Variants in COL21A1 observed in about 807,000 individuals in gnomAD.
The protein encoded by COL21A1 is collagen type XXI alpha 1 chain.
A neutral mutation model predicts 137.9 loss-of-function variants in COL21A1; 149 were observed. The observed-to-expected ratio is 1.08, with a 90% CI of 0.95 to 1.24. The LOEUF (loss-of-function observed/expected upper bound fraction) is 1.24. COL21A1 is among the 50% of genes most tolerant of loss of function. COL21A1 has a pLI of 0.00. For synonymous variants in COL21A1, 456 were observed against 391.5 expected (o/e 1.16, Z -1.95); for missense variants, 1,167 against 1,158.4 (o/e 1.01, Z -0.11).
chr6:56,191,386 A>G (rs1778662514), intron 1 of COL21A1, among the ~76,000 whole-genome samples: 1 of 151,310 alleles, frequency 6.6e-6, no homozygotes, highest in Non-Finnish European at 1.5e-5. Context: ...GGAGTTCAAG[A>G]CCAGACTGAC....
intron 1 of COL21A1, chr6:56,276,830 A>G (rs1763674423): frequency 2.6e-6 from 2 of 758,506 alleles, no homozygotes; most frequent in Admixed American, 4.7e-5. Context: ...TTTTTTTGAG[A>G]CAGAGTCTCG....
intron 17 of COL21A1, among the ~76,000 whole-genome samples, chr6:56,091,303 T>C (rs189954077): frequency 6.6e-6 from 1 of 152,234 alleles, no homozygotes; most frequent in Admixed American, 6.5e-5. Flanking sequence ...CATTACATCA[T>C]AAAGACAAGC....
intron 16 of COL21A1, among the ~76,000 whole-genome samples, chr6:56,120,716 C>T (rs1293631683): frequency 6.6e-6 from 1 of 151,616 alleles, no homozygotes; most frequent in Non-Finnish European, 1.5e-5. Flanking sequence ...ATTGCTTGAA[C>T]CCAGGAGGCA....
intron 9 of COL21A1, among the ~76,000 whole-genome samples, chr6:56,157,820 T>G (rs890737216): frequency 1.3e-5 from 2 of 152,258 alleles, no homozygotes; most frequent in African/African-American, 2.4e-5. Context: ...AATATTACTA[T>G]GAGAGCAAGG....
intron 23 of COL21A1, among the ~76,000 whole-genome samples, chr6:56,066,899 G>GT (rs951691350): frequency 6.6e-6 from 1 of 150,682 alleles, no homozygotes. Context: ...AGGGTTAAAG[G>GT]TTTTTTATCA....
At chr6:56,163,829 G>A (rs1257013802) in intron 9 of COL21A1, among the ~76,000 whole-genome samples, 1 of 152,088 alleles carries the variant, frequency 6.6e-6, no homozygotes, top group African/African-American at 2.4e-5. Flanking sequence ...ATATAAAAAT[G>A]TATATGTACA....
At chr6:56,264,338 C>T (rs905925985) in intron 1 of COL21A1, among the ~76,000 whole-genome samples, 6 of 152,120 alleles carry the variant, frequency 3.9e-5, no homozygotes, top group Admixed American at 2.6e-4. Flanking sequence ...CACTCTCATC[C>T]CACCACTTCT....
chr6:56,152,857 C>G (rs533020076), intron 10 of COL21A1, among the ~76,000 whole-genome samples: 2 of 152,122 alleles, frequency 1.3e-5, no homozygotes, highest in Admixed American at 1.3e-4. Flanking sequence ...AGTGTGTGAA[C>G]TGCATTGGCT....
intron 16 of COL21A1, among the ~76,000 whole-genome samples, chr6:56,120,968 C>T (rs1301740771): frequency 6.6e-6 from 1 of 152,070 alleles, no homozygotes; most frequent in African/African-American, 2.4e-5. Context: ...ACCTAAGTAT[C>T]CATCAACAGA....
chr6:56,260,959 T>C (rs1236362736), intron 1 of COL21A1, among the ~76,000 whole-genome samples: 1 of 151,758 alleles, frequency 6.6e-6, no homozygotes, highest in Non-Finnish European at 1.5e-5. Flanking sequence ...TTCTTGATTC[T>C]TTTCTTACAT....
chr6:56,385,234 A>G (rs1474891745), intron 1 of COL21A1, among the ~76,000 whole-genome samples: 2 of 152,198 alleles, frequency 1.3e-5, no homozygotes, highest in African/African-American at 4.8e-5. Flanking sequence ...ATATGCTAAG[A>G]ATTACAGGTC....
At chr6:56,194,124 A>G (rs968098467) in intron 1 of COL21A1, among the ~76,000 whole-genome samples, 4 of 152,298 alleles carry the variant, frequency 2.6e-5, no homozygotes, top group Middle Eastern at 3.4e-3. Flanking sequence ...TTTCTTCCCA[A>G]AAGCCTCAAA....
chr6:56,197,002 A>G (rs559576981), intron 1 of COL21A1, among the ~76,000 whole-genome samples: 1 of 152,128 alleles, frequency 6.6e-6, no homozygotes, highest in Non-Finnish European at 1.5e-5. Flanking sequence ...TATAGTAATT[A>G]AAACAATATG....
intron 29 of COL21A1, 128 bp from the exon 30 acceptor site, chr6:56,057,972 T>C: frequency 1.7e-6 from 1 of 597,866 alleles, no homozygotes; most frequent in Non-Finnish European, 2.7e-6. Flanking sequence ...ACTAATTATA[T>C]AGTAGAGGCA....
chr6:56,094,578 T>C (rs977071548), intron 17 of COL21A1, among the ~76,000 whole-genome samples: 23 of 152,198 alleles, frequency 1.5e-4, no homozygotes, highest in African/African-American at 3.9e-4. Flanking sequence ...CAAGCCACTC[T>C]ACATTTTAGG....
intron 3 of COL21A1, among the ~76,000 whole-genome samples, chr6:56,175,048 T>A (rs1471428388): frequency 1.3e-5 from 2 of 152,048 alleles, no homozygotes; most frequent in African/African-American, 2.4e-5. Context: ...AAAGATAACA[T>A]GATCATCTCA....
intron 17 of COL21A1, among the ~76,000 whole-genome samples, chr6:56,093,820 A>G (rs1335117550): frequency 6.6e-6 from 1 of 152,144 alleles, no homozygotes; most frequent in African/African-American, 2.4e-5. Flanking sequence ...TTTCCTGTAT[A>G]TATAATGAGG....
chr6:56,290,130 G>A (rs1764006000), intron 1 of COL21A1, among the ~76,000 whole-genome samples: 2 of 152,228 alleles, frequency 1.3e-5, no homozygotes, highest in African/African-American at 2.4e-5. Flanking sequence ...CTCCCCTGTT[G>A]AGGTTAACAG....
rs779176469 is a variant in COL21A1, at chr6:56,170,761, C to A, written c.914G>T (p.Gly305Val). The change falls in exon 5 of 30, where the codon GGA (glycine) becomes GTA (valine). Residue 305 changes from glycine to valine, a missense_variant. Gly to Val is a moderately radical substitution (Grantham distance 109). Coordinates refer to ENST00000244728, the MANE Select transcript of COL21A1 (RefSeq NM_030820.4). Reference protein sequence around the residue: ...WDLWRILTIDGRPQIAVTLNG... With the variant: ...WDLWRILTIDVRPQIAVTLNG... ...TAAGGTAACTGCTATTTGTGGCCTTCCATCAATAGTTAATATTCTCCATAA... is the reference window on the plus strand; with the variant it reads ...TAAGGTAACTGCTATTTGTGGCCTTACATCAATAGTTAATATTCTCCATAA... 6 of 1,607,938 alleles carry A rather than the reference C, an allele frequency of 3.7e-6. No homozygotes were observed. In the South Asian group the frequency reaches 6.6e-5, roughly 18 times the overall value.
Sources: gnomAD v4.1 joint callset for allele counts (sites outside exome capture counted in the v4.1 genomes callset) on GRCh38, gnomAD v4.1.1 for gene constraint, MANE v1.5 for transcripts, NCBI Gene and HGNC (gene_info 2026-07-23, HGNC 2026-07-21) for gene names.